PKNOX2: variants seen among roughly 807,000 people sequenced by gnomAD.
PKNOX2 encodes the protein homeobox protein PKNOX2.
A neutral mutation model predicts 53.1 loss-of-function variants in PKNOX2; 14 were observed. The observed-to-expected ratio is 0.26, with a 90% CI of 0.17 to 0.41. The LOEUF is 0.41. Ranked by LOEUF, PKNOX2 falls within the 10% of genes least tolerant of loss-of-function variation. The pLI is 1.00. For missense variants in PKNOX2, 496 were observed against 602.8 expected (o/e 0.82, Z 1.85); for synonymous variants, 257 against 242.8 (o/e 1.06, Z -0.54).
chr11:125,393,173 AAAGAG>A (rs1210148854), intron 6 of PKNOX2, among the ~76,000 whole-genome samples: 9 of 151,298 alleles, frequency 5.9e-5, no homozygotes, highest in Non-Finnish European at 2.9e-5. Flanking sequence ...AAAAAAAAAA[AAAGAG>A]AGAAGAGAAA....
At chr11:125,249,652 T>C (rs1591496021) in intron 2 of PKNOX2, among the ~76,000 whole-genome samples, 1 of 152,100 alleles carries the variant, frequency 6.6e-6, no homozygotes, top group African/African-American at 2.4e-5. Context: ...CGGATTCGAG[T>C]GTCCATGGAT....
At position 125,390,134 on chromosome 11, in the gene PKNOX2, T is replaced by C. The variant is rs76786586; in HGVS notation, c.399+4412T>C. Among the ~76,000 whole-genome samples the C allele has an allele frequency of 1.8e-3, 270 of 152,354 alleles. 3 individuals carry two copies. The East Asian group carries it at 0.033, about 18-fold the overall frequency. On this transcript the variant is annotated intron_variant, in intron 6 of 12. Coordinates refer to ENST00000298282, the MANE Select transcript of PKNOX2 (RefSeq NM_001382323.2). ...GAAAGGAAATGGGAATCCTCAACGC[T>C]AGTAATAATGAACATTTATAGAGCA... is the stretch of plus-strand genomic sequence containing the variant.
chr11:125,321,607 G>A (rs534271501), intron 2 of PKNOX2, among the ~76,000 whole-genome samples: 1 of 152,184 alleles, frequency 6.6e-6, no homozygotes, highest in African/African-American at 2.4e-5. Context: ...CAGATACAGA[G>A]GGCTGACCAT....
At chr11:125,227,588 G>A (rs1216524095) in intron 1 of PKNOX2, among the ~76,000 whole-genome samples, 1 of 152,172 alleles carries the variant, frequency 6.6e-6, no homozygotes, top group African/African-American at 2.4e-5. Flanking sequence ...ATATTCCATT[G>A]GATGTAGACG....
chr11:125,218,070 T>C (rs1325089213), intron 1 of PKNOX2, among the ~76,000 whole-genome samples: 1 of 152,068 alleles, frequency 6.6e-6, no homozygotes, highest in African/African-American at 2.4e-5. Context: ...CAGATTTGGA[T>C]AGGGCCTTTC....
intron 5 of PKNOX2, among the ~76,000 whole-genome samples, chr11:125,383,563 G>C (rs528685024): frequency 3.9e-5 from 6 of 152,090 alleles, no homozygotes; most frequent in Non-Finnish European, 7.4e-5. Context: ...GTTGCAGTGA[G>C]CCAAGATCAT....
chr11:125,352,797 C>T lies in PKNOX2; in HGVS notation c.87+1405C>T, dbSNP rs947048171. On this transcript the variant is annotated intron_variant, in intron 4 of 12. Transcript: ENST00000298282. This position sits in a 1 kb window ranked among gnomAD's most constrained non-coding sequence, Gnocchi z 4.1. ...TCTCCCAGCCTAACCCCATCCTCAG[C>T]GAGCCCTCTGCTCATGCCAGTAGCT... 2.6e-5 allele frequency among the ~76,000 whole-genome samples: 4 copies of T among 152,200 alleles called. No homozygotes were observed. Among genetic ancestry groups the T allele is most frequent in the African/African-American group, 9.7e-5 (4 of 41,440 alleles).
At chr11:125,305,885 AT>A (rs1438005264) in intron 2 of PKNOX2, among the ~76,000 whole-genome samples, 1 of 152,186 alleles carries the variant, frequency 6.6e-6, no homozygotes, top group Non-Finnish European at 1.5e-5. Flanking sequence ...TATGTCTGAG[AT>A]GAGAACCAAA....
At chr11:125,194,750 G>T (rs1957084463) in intron 1 of PKNOX2, among the ~76,000 whole-genome samples, 1 of 152,202 alleles carries the variant, frequency 6.6e-6, no homozygotes, top group Non-Finnish European at 1.5e-5. Flanking sequence ...AGTTAAAACA[G>T]ACTCATTCAA....
intron 7 of PKNOX2, among the ~76,000 whole-genome samples, chr11:125,401,180 G>A (rs1195725368): frequency 6.6e-6 from 1 of 152,172 alleles, no homozygotes; most frequent in African/African-American, 2.4e-5. Context: ...ATTCAGGAGG[G>A]AAGCAGAGAC....
intron 1 of PKNOX2, among the ~76,000 whole-genome samples, chr11:125,212,709 G>A (rs1940019386): frequency 6.6e-6 from 1 of 151,910 alleles, no homozygotes; most frequent in South Asian, 2.1e-4. Context: ...GTGGAGAGGA[G>A]GCAGGATCCA....
intron 2 of PKNOX2, chr11:125,266,785 G>A (rs1167096592): frequency 6.6e-6 from 1 of 152,252 alleles, no homozygotes; most frequent in Non-Finnish European, 1.5e-5. Flanking sequence ...AGGTCTGGAG[G>A]TCAGGACGGG....
intron 2 of PKNOX2, among the ~76,000 whole-genome samples, chr11:125,280,763 G>C (rs1946505040): frequency 6.6e-6 from 1 of 152,096 alleles, no homozygotes; most frequent in South Asian, 2.1e-4. Context: ...ACATTCACAG[G>C]GCCCTACACA....
intron 1 of PKNOX2, among the ~76,000 whole-genome samples, chr11:125,189,467 A>ACATATACATATG (rs1956729131): frequency 5.9e-5 from 7 of 118,670 alleles, no homozygotes; most frequent in Admixed American, 5.9e-4. Flanking sequence ...ATATATATAT[A>ACATATACATATG]TATATATATA....
intron 2 of PKNOX2, among the ~76,000 whole-genome samples, chr11:125,255,863 G>T (rs1944371004): frequency 6.6e-6 from 1 of 151,428 alleles, no homozygotes; most frequent in South Asian, 2.1e-4. Context: ...ATACTGAGAT[G>T]GTCTCTACCC....
At chr11:125,361,293 C>T (rs545710110) in intron 4 of PKNOX2, among the ~76,000 whole-genome samples, 5 of 152,316 alleles carry the variant, frequency 3.3e-5, no homozygotes, top group East Asian at 3.9e-4. Context: ...CTGAGGGCCA[C>T]GCAGGCCTGG....
intron 2 of PKNOX2, among the ~76,000 whole-genome samples, chr11:125,327,125 T>C (rs180750328): frequency 1.2e-3 from 177 of 152,110 alleles, no homozygotes; most frequent in African/African-American, 4.2e-3. Flanking sequence ...CTTCCCAGAG[T>C]GGACAGGGGA....
chr11:125,231,622 G>T (rs888903854), intron 1 of PKNOX2, among the ~76,000 whole-genome samples: 2 of 152,190 alleles, frequency 1.3e-5, no homozygotes, highest in African/African-American at 2.4e-5. Context: ...ATGGGGTAGT[G>T]CCAGTCCAGG....
chr11:125,291,193 G>C (rs1431090204), intron 2 of PKNOX2, among the ~76,000 whole-genome samples: 1 of 152,126 alleles, frequency 6.6e-6, no homozygotes, highest in Non-Finnish European at 1.5e-5. Context: ...CACTTTCCTC[G>C]CATGTAAAGT....
Sources: allele counts gnomAD v4.1 joint callset (sites outside exome capture counted in the v4.1 genomes callset), GRCh38; gene constraint gnomAD v4.1.1; non-coding constraint Gnocchi (gnomAD v3.1); transcripts MANE v1.5; gene names NCBI Gene and HGNC (gene_info 2026-07-23, HGNC 2026-07-21).